NIPAL3: variants seen among roughly 807,000 people sequenced by gnomAD.
NIPAL3 encodes NIPA-like protein 3.
NIPAL3 carries 41 observed loss-of-function variants against 47.2 expected under a neutral mutation model. The ratio of observed to expected loss-of-function variants is 0.87; its 90% confidence interval spans 0.68 to 1.13. NIPAL3 has a LOEUF of 1.13. NIPAL3 is among the 50% of genes most tolerant of loss of function. The pLI is 0.00. For missense variants in NIPAL3, 449 were observed against 530.1 expected, an observed-to-expected ratio of 0.85 and a Z score of 1.50; for synonymous variants, 194 against 209.6, an observed-to-expected ratio of 0.93 and a Z score of 0.64.
chr1:24,436,205 GA>G (rs1645098578), intron 2 of NIPAL3, among the ~76,000 whole-genome samples: 1 of 152,136 alleles, frequency 6.6e-6, no homozygotes, highest in Non-Finnish European at 1.5e-5. Flanking sequence ...GTGGTGTTTA[GA>G]ATAGTGAGGT....
At chr1:24,429,424 A>G (rs561951857) in intron 2 of NIPAL3, among the ~76,000 whole-genome samples, 61 of 152,362 alleles carry the variant, frequency 4.0e-4, no homozygotes, top group African/African-American at 1.3e-3. Flanking sequence ...CTTGGTATAA[A>G]GACCATTCAG....
intron 5 of NIPAL3, among the ~76,000 whole-genome samples, chr1:24,445,458 T>C (rs1451526019): frequency 6.6e-6 from 1 of 152,154 alleles, no homozygotes; most frequent in African/African-American, 2.4e-5. Context: ...CTTTTAAAAA[T>C]GGACTTTTAT....
chr1:24,466,704 A>C (rs1053891953), intron 11 of NIPAL3, among the ~76,000 whole-genome samples: 3 of 152,178 alleles, frequency 2.0e-5, no homozygotes, highest in Non-Finnish European at 4.4e-5. Flanking sequence ...CATATTTGTT[A>C]GACTTTAGGT....
At chr1:24,467,097 T>C (rs1417636151) in intron 11 of NIPAL3, among the ~76,000 whole-genome samples, 3 of 152,202 alleles carry the variant, frequency 2.0e-5, no homozygotes, top group African/African-American at 7.2e-5. Context: ...AGGACAGTAG[T>C]TCATCTCTGT....
intron 8 of NIPAL3, among the ~76,000 whole-genome samples, chr1:24,456,866 G>A (rs533593996): frequency 6.3e-4 from 96 of 151,948 alleles, no homozygotes; most frequent in African/African-American, 2.1e-3. Flanking sequence ...GGGTTCAAGC[G>A]ATTCTCCTGC....
intron 2 of NIPAL3, among the ~76,000 whole-genome samples, chr1:24,423,659 C>A (rs1644440556): frequency 6.6e-6 from 1 of 152,136 alleles, no homozygotes; most frequent in Non-Finnish European, 1.5e-5. Flanking sequence ...GCATATCATG[C>A]TGCAGAGGGC....
intron 9 of NIPAL3, 120 bp downstream of exon 9, chr1:24,459,096 G>A: frequency 1.2e-6 from 1 of 841,202 alleles, no homozygotes; most frequent in South Asian, 1.5e-5. Flanking sequence ...ATGGGTTCAT[G>A]GAGAATGTGC....
Position 24,416,035 on chromosome 1 carries a change from C to G in NIPAL3, c.-258+131C>G. The G allele has an allele frequency of 2.0e-6, 2 of 985,584 alleles. No homozygotes were observed. Among genetic ancestry groups the G allele is most frequent in the Non-Finnish European group, 2.4e-6 (2 of 830,052 alleles). 61.1% of individuals were successfully genotyped at this position (985,584 alleles called of 1,614,324 possible). A position where few individuals can be genotyped will look rare whatever the true frequency, so the allele number is the denominator to read the frequency against. The stretch of plus-strand genomic sequence containing the variant: ...TCTTACTGTCACCAGCCTCGCCAAC[C>G]TGGGTCCCGTTGCCTTGGAATGTTC... On this transcript the variant is annotated intron_variant, in intron 1 of 11. Transcript: ENST00000374399. This position sits in a 1 kb window ranked among gnomAD's most constrained non-coding sequence, Gnocchi z 4.8.
chr1:24,459,807 C>T (rs1646388262), intron 9 of NIPAL3, among the ~76,000 whole-genome samples: 1 of 152,208 alleles, frequency 6.6e-6, no homozygotes, highest in African/African-American at 2.4e-5. Context: ...GCGTGAAGTC[C>T]AGTCAAGGTT....
chr1:24,417,781 T>C (rs562443659), intron 1 of NIPAL3, among the ~76,000 whole-genome samples: 1 of 152,316 alleles, frequency 6.6e-6, no homozygotes, highest in South Asian at 2.1e-4. Context: ...GTATGTGCTG[T>C]CCACACCATG....
chr1:24,428,797 C>T (rs773517139), intron 2 of NIPAL3, among the ~76,000 whole-genome samples: 1 of 152,138 alleles, frequency 6.6e-6, no homozygotes, highest in Non-Finnish European at 1.5e-5. Context: ...TTTTGGCCTC[C>T]AATGTTTTTG....
upstream of NIPAL3, chr1:24,414,915 C>A (rs991166082): frequency 2.0e-5 from 3 of 152,264 alleles, no homozygotes; most frequent in African/African-American, 2.4e-5. Flanking sequence ...TCTCACCAGC[C>A]CTGCTGGCCT....
At chr1:24,466,226 G>C (rs1646692555) in intron 11 of NIPAL3, 5 of 764,088 alleles carry the variant, frequency 6.5e-6, no homozygotes, top group Non-Finnish European at 1.0e-5. Flanking sequence ...AACATCAGCA[G>C]CAGACAAGGC....
chr1:24,448,966 CAGTG>C (rs756801891), intron 5 of NIPAL3, among the ~76,000 whole-genome samples: 6 of 152,342 alleles, frequency 3.9e-5, no homozygotes, highest in Non-Finnish European at 7.3e-5. Context: ...CCACTGTACA[CAGTG>C]AGAACGAATG....
chr1:24,449,456 C>A lies in NIPAL3; in HGVS notation c.395-25C>A. The A allele has an allele frequency of 6.2e-7, 1 of 1,611,844 alleles. No individual in the cohort carries two copies. The highest frequency in any genetic ancestry group is 1.1e-5 in the South Asian group (1 of 90,910). On this transcript the variant is annotated intron_variant, in intron 5 of 11. Coordinates refer to ENST00000374399, the MANE Select transcript of NIPAL3 (RefSeq NM_020448.5). This position sits in a 1 kb window ranked among gnomAD's most constrained non-coding sequence, Gnocchi z 4.5. ...TCTTGGGCCTGTTGTTGCAATGAGT[C>A]CGTGACAGCCTCTCTTCCCCGCAGG...
At chr1:24,418,917 ATTGT>A (rs1273699239) in intron 1 of NIPAL3, among the ~76,000 whole-genome samples, 1 of 143,478 alleles carries the variant, frequency 7.0e-6, no homozygotes, top group African/African-American at 2.5e-5. Context: ...TGGTAGTGGA[ATTGT>A]TTTTTTTTTT....
chr1:24,468,872 T>C, intron 11 of NIPAL3, 114 bp from the exon 12 acceptor site: 1 of 911,588 alleles, frequency 1.1e-6, no homozygotes, highest in Admixed American at 2.2e-5. Flanking sequence ...AAATTGACAA[T>C]GCACATGATT....
chr1:24,427,114 G>A (rs901057508), intron 2 of NIPAL3, among the ~76,000 whole-genome samples: 20 of 152,288 alleles, frequency 1.3e-4, no homozygotes, highest in Middle Eastern at 3.4e-3. Flanking sequence ...GGCTGCCAGC[G>A]GGGTCCAGAG....
intron 11 of NIPAL3, 111 bp from the exon 12 acceptor site, chr1:24,468,875 A>AG (rs2148870576): frequency 1.1e-6 from 1 of 946,282 alleles, no homozygotes; most frequent in Non-Finnish European, 1.6e-6. Context: ...TTGACAATGC[A>AG]CATGATTAGC....
Sources: allele counts gnomAD v4.1 joint callset (sites outside exome capture counted in the v4.1 genomes callset), GRCh38; gene constraint gnomAD v4.1.1; non-coding constraint Gnocchi (gnomAD v3.1); transcripts MANE v1.5; gene names NCBI Gene and HGNC (gene_info 2026-07-23, HGNC 2026-07-21).